The following UNC13C variants were observed in gnomAD, a reference collection of about 807,000 sequenced individuals.
UNC13C encodes the protein protein unc-13 homolog C.
UNC13C carries 174 observed loss-of-function variants against 245.4 expected under a neutral mutation model. The ratio of observed to expected loss-of-function variants is 0.71; its 90% CI spans 0.63 to 0.80. UNC13C has a LOEUF of 0.80. UNC13C is among the 30% of genes least tolerant of loss of function. The pLI is 0.00. For missense variants in UNC13C, 2,829 were observed against 2,602.9 expected, an observed-to-expected ratio of 1.09 and a Z score of -1.89; for synonymous variants, 992 against 895.1, an observed-to-expected ratio of 1.11 and a Z score of -1.93.
intron 2 of UNC13C, among the ~76,000 whole-genome samples, chr15:54,020,707 C>T (rs997448571): frequency 1.3e-5 from 2 of 152,050 alleles, no homozygotes; most frequent in African/African-American, 4.8e-5. Flanking sequence ...AGATGTATTC[C>T]TTAAAAGGTA....
At chr15:54,630,300 C>T (rs543093850), downstream of UNC13C, 2 of 152,280 alleles carry the variant, frequency 1.3e-5, no homozygotes, top group East Asian at 3.9e-4. Flanking sequence ...AATTTATCTA[C>T]TTCTAGGATA....
intron 4 of UNC13C, among the ~76,000 whole-genome samples, chr15:54,161,738 G>A (rs753767318): frequency 6.6e-6 from 1 of 152,016 alleles, no homozygotes; most frequent in East Asian, 1.9e-4. Flanking sequence ...ATTACCTGAG[G>A]TCAGGAGTTC....
chr15:54,456,353 A>G (rs940488097), intron 19 of UNC13C, among the ~76,000 whole-genome samples: 1 of 152,054 alleles, frequency 6.6e-6, no homozygotes, highest in Non-Finnish European at 1.5e-5. Flanking sequence ...TTGGTTCCAT[A>G]TGAACTTTAG....
intron 4 of UNC13C, among the ~76,000 whole-genome samples, chr15:54,152,326 C>A (rs966948755): frequency 6.6e-6 from 1 of 152,130 alleles, no homozygotes; most frequent in African/African-American, 2.4e-5. Context: ...GTTAAGAAAC[C>A]TGAAGACAGT....
intron 1 of UNC13C, among the ~76,000 whole-genome samples, chr15:54,005,694 T>G (rs1595702506): frequency 6.6e-6 from 1 of 152,288 alleles, no homozygotes; most frequent in East Asian, 1.9e-4. Context: ...TTAAATAACT[T>G]TTGTGGAAAA....
In UNC13C at chr15:54,341,681, T is replaced by C. The variant is rs371961382; in HGVS notation, c.4713+3192T>C. Among the ~76,000 whole-genome samples, 16 of 152,326 alleles carry C rather than the reference T, an allele frequency of 1.1e-4. No homozygotes were observed. In the East Asian group the frequency reaches 1.7e-3, roughly 17 times the overall value. On this transcript the variant is annotated intron_variant, in intron 17 of 32. Coordinates refer to ENST00000260323, the MANE Select transcript of UNC13C (RefSeq NM_001080534.3). Reference sequence around the variant, plus strand: ...AACCATGTTAACATTTTCCAATATTTCTCTGCTCTTGTTTAAAGACATTAA... The same window carrying C: ...AACCATGTTAACATTTTCCAATATTCCTCTGCTCTTGTTTAAAGACATTAA...
At chr15:54,303,631 T>C (rs1415178290) in intron 13 of UNC13C, among the ~76,000 whole-genome samples, 1 of 151,804 alleles carries the variant, frequency 6.6e-6, no homozygotes, top group Non-Finnish European at 1.5e-5. Flanking sequence ...TTTTCTTTTT[T>C]TTTTTTTTTC....
intron 4 of UNC13C, among the ~76,000 whole-genome samples, chr15:54,168,472 T>C (rs1420857112): frequency 6.6e-6 from 1 of 152,198 alleles, no homozygotes; most frequent in African/African-American, 2.4e-5. Flanking sequence ...TTTATTGTAA[T>C]TGGTTCTTTC....
intron 2 of UNC13C, among the ~76,000 whole-genome samples, chr15:54,141,689 ATAT>A (rs1394051542): frequency 6.6e-6 from 1 of 152,040 alleles, no homozygotes; most frequent in Non-Finnish European, 1.5e-5. Flanking sequence ...TGAATATGGT[ATAT>A]TATTCTTCTG....
intron 30 of UNC13C, among the ~76,000 whole-genome samples, chr15:54,574,785 T>C (rs1014422197): frequency 1.3e-5 from 2 of 152,238 alleles, no homozygotes; most frequent in African/African-American, 2.4e-5. Context: ...TCTTTGAGTC[T>C]CTGCTTATTT....
the UNC13C span, among the ~76,000 whole-genome samples, chr15:53,963,028 C>A: frequency 6.6e-6 from 1 of 152,110 alleles, no homozygotes; most frequent in Non-Finnish European, 1.5e-5. Context: ...TTTCACATTA[C>A]CTTACAGAGG....
At chr15:54,477,720 A>G (rs1892844607) in intron 19 of UNC13C, among the ~76,000 whole-genome samples, 1 of 145,706 alleles carries the variant, frequency 6.9e-6, no homozygotes. Context: ...CCAGTATTTT[A>G]TTGAGGATTT....
chr15:54,077,381 T>TC (rs775463683), intron 2 of UNC13C, among the ~76,000 whole-genome samples: 30 of 121,352 alleles, frequency 2.5e-4, no homozygotes, highest in African/African-American at 8.2e-4. Context: ...CTTTTCTTTT[T>TC]TTTTTTTTTT....
At chr15:54,094,244 C>T (rs2141141486) in intron 2 of UNC13C, among the ~76,000 whole-genome samples, 1 of 152,284 alleles carries the variant, frequency 6.6e-6, no homozygotes, top group African/African-American at 2.4e-5. Flanking sequence ...GTCCTTCACC[C>T]AGGGTACAAG....
chr15:53,927,454 T>C, the UNC13C span, among the ~76,000 whole-genome samples: 1 of 152,144 alleles, frequency 6.6e-6, no homozygotes, highest in African/African-American at 2.4e-5. Flanking sequence ...GGAGATAGAA[T>C]TGATAGCAAC....
At chr15:54,572,431 T>A (rs1327658985) in intron 30 of UNC13C, among the ~76,000 whole-genome samples, 2 of 149,468 alleles carry the variant, frequency 1.3e-5, no homozygotes, top group African/African-American at 2.5e-5. Flanking sequence ...TTAATTTTTT[T>A]TTTTTTTTTT....
chr15:53,978,351 T>G (rs529033687), upstream of UNC13C, among the ~76,000 whole-genome samples: 1 of 151,386 alleles, frequency 6.6e-6, no homozygotes, highest in African/African-American at 2.4e-5. Context: ...GCTCACCCTC[T>G]CGGAGCTACG....
chr15:54,178,605 CTGT>C (rs1215907708), intron 4 of UNC13C, among the ~76,000 whole-genome samples: 2 of 152,094 alleles, frequency 1.3e-5, no homozygotes, highest in Admixed American at 6.6e-5. Flanking sequence ...AAACGGATGC[CTGT>C]TGTTTTCGTC....
At chr15:53,967,499 A>G in the UNC13C span, among the ~76,000 whole-genome samples, 8 of 152,192 alleles carry the variant, frequency 5.3e-5, no homozygotes, top group South Asian at 1.7e-3. Context: ...TTCCTCTCAT[A>G]CAAAAGCAGA....
Sources: gnomAD v4.1 joint callset for allele counts (sites outside exome capture counted in the v4.1 genomes callset) on GRCh38, gnomAD v4.1.1 for gene constraint, MANE v1.5 for transcripts, NCBI Gene and HGNC (gene_info 2026-07-23, HGNC 2026-07-21) for gene names.